Variants in RBM33 observed in about 807,000 individuals in gnomAD.
The protein encoded by RBM33 is RNA-binding protein 33.
A neutral mutation model predicts 132.6 loss-of-function variants in RBM33; 28 were observed. The observed-to-expected ratio is 0.21, with a 90% CI of 0.16 to 0.29. The LOEUF (loss-of-function observed/expected upper bound fraction) is 0.29, where lower values mean the gene tolerates loss of function less well. Ranked by LOEUF, RBM33 falls within the 10% of genes least tolerant of loss-of-function variation. The pLI, the probability that RBM33 is intolerant of heterozygous loss-of-function variation, is 1.00. For missense variants in RBM33, 1,291 were observed against 1,518.5 expected (o/e 0.85, Z 2.49); for synonymous variants, 634 against 593.0 (o/e 1.07, Z -1.01).
intron 5 of RBM33, among the ~76,000 whole-genome samples, chr7:155,693,022 A>G (rs1799689048): frequency 6.6e-6 from 1 of 152,166 alleles, no homozygotes; most frequent in Admixed American, 6.5e-5. Context: ...AAGATGATAG[A>G]ATTCTTCCCT....
rs149339882 is a variant in RBM33, at chr7:155,741,732, TTG to T, written c.2050-83_2050-82del. On this transcript the variant is annotated intron_variant, in intron 12 of 17. Coordinates refer to ENST00000401878, the MANE Select transcript of RBM33 (RefSeq NM_053043.3). ...GTCATTTACTAATTAGAATGATTTA[TTG>T]TGTTTTTATTTAATAATGTGCCTTT... 1,900 of 1,225,576 alleles carry T rather than the reference TTG, an allele frequency of 1.6e-3. 27 individuals are homozygous for T. The African/African-American group carries it at 0.024, about 16-fold the overall frequency. The allele number at this position is 1,225,576 out of a possible 1,614,324, so 75.9% of individuals were successfully genotyped here.
chr7:155,740,824 G>C (rs1289128380), intron 12 of RBM33, among the ~76,000 whole-genome samples: 1 of 152,176 alleles, frequency 6.6e-6, no homozygotes, highest in Non-Finnish European at 1.5e-5. Context: ...AGGAAAGAGA[G>C]ACACAATGTG....
chr7:155,726,230 A>G (rs978689108), intron 9 of RBM33, among the ~76,000 whole-genome samples: 1 of 152,218 alleles, frequency 6.6e-6, no homozygotes. Context: ...GTATTTAATT[A>G]GTCTTATTAA....
intron 8 of RBM33, among the ~76,000 whole-genome samples, chr7:155,713,566 G>A (rs920677547): frequency 6.6e-6 from 1 of 152,138 alleles, no homozygotes; most frequent in South Asian, 2.1e-4. Flanking sequence ...AGGTGGCCAC[G>A]GGCTGGCAGG....
chr7:155,769,631 T>C (rs1210831184), intron 16 of RBM33, among the ~76,000 whole-genome samples: 1 of 152,128 alleles, frequency 6.6e-6, no homozygotes, highest in African/African-American at 2.4e-5. Flanking sequence ...GGCGTCTGAC[T>C]GACTGATTCT....
chr7:155,719,262 AT>A (rs1800554735), intron 9 of RBM33, among the ~76,000 whole-genome samples: 3 of 152,074 alleles, frequency 2.0e-5, no homozygotes, highest in Non-Finnish European at 4.4e-5. Context: ...AGGTAGTCTT[AT>A]TTAGGTTAAA....
intron 14 of RBM33, among the ~76,000 whole-genome samples, chr7:155,751,833 A>G (rs1276415301): frequency 6.6e-6 from 1 of 152,218 alleles, no homozygotes; most frequent in African/African-American, 2.4e-5. Context: ...GATTGGGACT[A>G]TGTAAATATC....
chr7:155,744,079 G>A (rs1269645891), intron 13 of RBM33, among the ~76,000 whole-genome samples: 1 of 152,190 alleles, frequency 6.6e-6, no homozygotes, highest in East Asian at 1.9e-4. Context: ...CAGGGCACCA[G>A]CCGACTCCTC....
At chr7:155,655,282 A>G (rs1325962963) in intron 1 of RBM33, among the ~76,000 whole-genome samples, 2 of 152,056 alleles carry the variant, frequency 1.3e-5, no homozygotes, top group Admixed American at 6.6e-5. Context: ...TAAAATTCTT[A>G]TTGCTGCCTA....
chr7:155,708,257 A>T (rs1434956965), intron 7 of RBM33, among the ~76,000 whole-genome samples: 1 of 152,218 alleles, frequency 6.6e-6, no homozygotes, highest in African/African-American at 2.4e-5. Flanking sequence ...TGATACGAGG[A>T]ACTGCTGTTT....
At position 155,774,524 on chromosome 7, in the gene RBM33, C is replaced by T. The variant is rs201214414; in HGVS notation, c.3376-35C>T. The T allele has an allele frequency of 2.8e-6, 4 of 1,444,042 alleles. No individual in the cohort carries two copies. Among genetic ancestry groups the T allele is most frequent in the Non-Finnish European group, 3.9e-6 (4 of 1,025,372 alleles). The allele number at this position is 1,444,042 out of a possible 1,614,324, so 89.5% of individuals were successfully genotyped here. On this transcript the variant is annotated intron_variant, in intron 16 of 17. Coordinates refer to ENST00000401878, the MANE Select transcript of RBM33 (RefSeq NM_053043.3). The surrounding 1 kb of genome is among the most constrained non-coding windows in gnomAD (Gnocchi z 4.2). ...TATTCATATTTTTTATTGTCATTTACAACTGATCTTAAAGTGTTTGTTTTC... is the reference window on the plus strand; with the variant it reads ...TATTCATATTTTTTATTGTCATTTATAACTGATCTTAAAGTGTTTGTTTTC...
At chr7:155,655,643 ATTAT>A (rs1007002739) in intron 1 of RBM33, among the ~76,000 whole-genome samples, 1 of 150,104 alleles carries the variant, frequency 6.7e-6, no homozygotes, top group Non-Finnish European at 1.5e-5. Context: ...GGCAGTGACA[ATTAT>A]TTATTTTATT....
At chr7:155,732,686 A>C (rs1563165540) in intron 9 of RBM33, among the ~76,000 whole-genome samples, 1 of 152,216 alleles carries the variant, frequency 6.6e-6, no homozygotes. Flanking sequence ...CTCGTGGTAG[A>C]AAGTGATGTT....
intron 6 of RBM33, among the ~76,000 whole-genome samples, chr7:155,703,146 G>A (rs1311716990): frequency 6.6e-6 from 1 of 152,198 alleles, no homozygotes; most frequent in African/African-American, 2.4e-5. Flanking sequence ...TTGCATGTGT[G>A]CTTAGTGTCT....
Position 155,763,919 on chromosome 7 carries a change from G to C in RBM33, c.3087G>C (p.Gly1029=). 1 of 1,606,960 alleles carries C rather than the reference G, an allele frequency of 6.2e-7. No individual in the cohort carries two copies. Among genetic ancestry groups the C allele is most frequent in the Non-Finnish European group, 8.5e-7 (1 of 1,176,910 alleles). Residue 1029 remains glycine (G), a synonymous_variant, in exon 15 of 18, where the codon GGG becomes GGC. Transcript: ENST00000401878. ...CCCGCAAGGTGACGCTGACCAGGGG[G>C]GGCCTCCAGCAGCCCCCACATCTGC... The part of the protein sequence containing the change: ...QPARKVTLTR[G]GLQQPPHLPA...
chr7:155,673,940 G>GTTGTTGTTTGTTTTTGT, intron 3 of RBM33, among the ~76,000 whole-genome samples: 1 of 54,214 alleles, frequency 1.8e-5, no homozygotes, highest in Non-Finnish European at 3.2e-5. Flanking sequence ...TTTAGGCTTA[G>GTTGTTGTTTGTTTTTGT]TTTTTTTTTT....
intron 7 of RBM33, among the ~76,000 whole-genome samples, chr7:155,708,358 C>A (rs916659784): frequency 2.6e-5 from 4 of 152,218 alleles, no homozygotes; most frequent in Non-Finnish European, 5.9e-5. Flanking sequence ...CTCCCTGTCT[C>A]CGCCGCAAAC....
At chr7:155,733,210 C>T (rs1210189964) in intron 9 of RBM33, among the ~76,000 whole-genome samples, 1 of 152,092 alleles carries the variant, frequency 6.6e-6, no homozygotes, top group African/African-American at 2.4e-5. Context: ...GACAAGTGTC[C>T]AGGTTCCACA....
At position 155,778,894 on chromosome 7, in the gene RBM33, G is replaced by C. The variant is rs1241973154; in HGVS notation, c.*3853G>C. 1 of 153,132 alleles carries C rather than the reference G, an allele frequency of 6.5e-6. No homozygotes were observed. The highest frequency in any genetic ancestry group is 2.4e-5 in the African/African-American group (1 of 41,418). The allele number at this position is 153,132 out of a possible 1,614,324, so 9.5% of individuals were successfully genotyped here. A position where few individuals can be genotyped will look rare whatever the true frequency, so the allele number is the denominator to read the frequency against. ...AATTGCACAGGACAAGGAGGTCAGC[G>C]TGTGTGATGGCAGCATGCTGTGCCG... On this transcript the variant is annotated 3_prime_UTR_variant, in exon 18 of 18. Coordinates refer to ENST00000401878, the MANE Select transcript of RBM33 (RefSeq NM_053043.3). This position sits in a 1 kb window ranked among gnomAD's most constrained non-coding sequence, Gnocchi z 4.0.
Sources: allele counts gnomAD v4.1 joint callset (sites outside exome capture counted in the v4.1 genomes callset), GRCh38; gene constraint gnomAD v4.1.1; non-coding constraint Gnocchi (gnomAD v3.1); transcripts MANE v1.5; gene names NCBI Gene and HGNC (gene_info 2026-07-23, HGNC 2026-07-21).